The following LOC400499 variants were observed in gnomAD, a reference collection of about 807,000 sequenced individuals.
At chr16:11,389,659 T>C in the LOC400499 span, among the ~76,000 whole-genome samples, 925 of 109,122 alleles carry the variant, frequency 8.5e-3, 7 homozygotes, top group Middle Eastern at 0.028. Flanking sequence ...TACTCTAGCC[T>C]GGGCAACAAG....
the LOC400499 span, chr16:11,462,295 A>C: frequency 6.7e-7 from 1 of 1,488,630 alleles, no homozygotes; most frequent in South Asian, 1.3e-5. Flanking sequence ...GCTGCAGGTC[A>C]CTCCAGCCCT....
chr16:11,409,202 G>C, the LOC400499 span, among the ~76,000 whole-genome samples: 6 of 151,854 alleles, frequency 4.0e-5, no homozygotes, highest in Non-Finnish European at 8.8e-5. Context: ...CGGAGGTTGC[G>C]GTGAGTCGAG....
At chr16:11,408,316 G>A in the LOC400499 span, among the ~76,000 whole-genome samples, 1 of 152,228 alleles carries the variant, frequency 6.6e-6, no homozygotes, top group Admixed American at 6.5e-5. Context: ...CACTAGAGGC[G>A]TCATTTCGTT....
chr16:11,389,282 C>G, the LOC400499 span, among the ~76,000 whole-genome samples: 1 of 152,246 alleles, frequency 6.6e-6, no homozygotes, highest in Non-Finnish European at 1.5e-5. Flanking sequence ...GCATTTGCTA[C>G]CTAACGTATA....
the LOC400499 span, among the ~76,000 whole-genome samples, chr16:11,391,320 T>C: frequency 6.6e-6 from 1 of 152,130 alleles, no homozygotes; most frequent in Non-Finnish European, 1.5e-5. Context: ...ATTGAGCTCA[T>C]CGTGGAACCA....
the LOC400499 span, chr16:11,494,502 T>G: frequency 1.5e-5 from 3 of 203,356 alleles, no homozygotes; most frequent in Non-Finnish European, 2.9e-5. Context: ...CCTCTCCACC[T>G]GGAGCTTGCC....
the LOC400499 span, among the ~76,000 whole-genome samples, chr16:11,401,703 T>C: frequency 6.6e-6 from 1 of 152,196 alleles, no homozygotes; most frequent in Non-Finnish European, 1.5e-5. Flanking sequence ...TCACTGCACC[T>C]CTAAGTGCTT....
chr16:11,407,295 C>T, the LOC400499 span: 8 of 398,904 alleles, frequency 2.0e-5, no homozygotes, highest in Non-Finnish European at 3.5e-5. Flanking sequence ...TCCTCCACGC[C>T]CAAGGCGAAC....
At chr16:11,379,511 A>G in the LOC400499 span, among the ~76,000 whole-genome samples, 1 of 152,282 alleles carries the variant, frequency 6.6e-6, no homozygotes, top group African/African-American at 2.4e-5. Flanking sequence ...AACCTGTGTA[A>G]GTCTCTCAGT....
the LOC400499 span, among the ~76,000 whole-genome samples, chr16:11,426,056 A>G: frequency 6.6e-6 from 1 of 152,242 alleles, no homozygotes; most frequent in African/African-American, 2.4e-5. Context: ...TTTAATTCAC[A>G]CTATTAACAA....
At chr16:11,514,854 A>T in the LOC400499 span, among the ~76,000 whole-genome samples, 90,527 of 152,010 alleles carry the variant, frequency 0.6, 27,458 homozygotes, top group Admixed American at 0.66. Context: ...AACATTTCAA[A>T]CAGCAGAGGC....
chr16:11,426,252 A>G, the LOC400499 span, among the ~76,000 whole-genome samples: 1 of 152,250 alleles, frequency 6.6e-6, no homozygotes, highest in African/African-American at 2.4e-5. Flanking sequence ...CCTGGTCAAC[A>G]TGGTGAAACC....
the LOC400499 span, chr16:11,515,900 AGC>A: frequency 8.3e-6 from 1 of 120,908 alleles, no homozygotes. Context: ...AGCCTAGCCC[AGC>A]CCAGCCCAGC....
At chr16:11,448,196 G>A in the LOC400499 span, 44 of 1,241,864 alleles carry the variant, frequency 3.5e-5, no homozygotes, top group African/African-American at 4.5e-4. Flanking sequence ...ATGACTATCC[G>A]AGAATGGCTA....
the LOC400499 span, among the ~76,000 whole-genome samples, chr16:11,404,243 T>TA: frequency 6.6e-6 from 1 of 152,220 alleles, no homozygotes; most frequent in Non-Finnish European, 1.5e-5. Flanking sequence ...ATTTTGCTTA[T>TA]GTGCATCTTG....
the LOC400499 span, among the ~76,000 whole-genome samples, chr16:11,395,449 G>C: frequency 6.6e-6 from 1 of 152,188 alleles, no homozygotes; most frequent in Non-Finnish European, 1.5e-5. Context: ...GGGGCTTACA[G>C]AGCCGGGGGC....
At chr16:11,401,496 C>A in the LOC400499 span, 1 of 398,902 alleles carries the variant, frequency 2.5e-6, no homozygotes, top group South Asian at 1.3e-4. Flanking sequence ...CCATCGAGGT[C>A]AAGGCTGCAA....
At chr16:11,419,293 C>A in the LOC400499 span, among the ~76,000 whole-genome samples, 3 of 151,988 alleles carry the variant, frequency 2.0e-5, no homozygotes, top group Admixed American at 2.0e-4. Context: ...AGAAATAACG[C>A]CGCTTATCTA....
chr16:11,501,470 A>T, the LOC400499 span, among the ~76,000 whole-genome samples: 4 of 152,082 alleles, frequency 2.6e-5, no homozygotes, highest in South Asian at 2.1e-4. Context: ...TGATCCTCCC[A>T]CTCAGCCTCC....
Sources: gnomAD v4.1 joint callset for allele counts (sites outside exome capture counted in the v4.1 genomes callset) on GRCh38, gnomAD v4.1.1 for gene constraint, MANE v1.5 for transcripts.